Variants in ZAP70 observed in about 807,000 individuals in gnomAD.
ZAP70 encodes the protein zeta chain of T cell receptor associated protein kinase 70, also known as tyrosine-protein kinase ZAP-70.
ZAP70 carries 27 observed loss-of-function variants against 65.8 expected under a neutral mutation model. The observed-to-expected ratio is 0.41, with a 90% CI of 0.30 to 0.57. The LOEUF is 0.57. ZAP70 is among the 20% of genes least tolerant of loss of function. The pLI is 0.28. For missense variants in ZAP70, 696 were observed against 870.5 expected (o/e 0.80, Z 2.52); for synonymous variants, 363 against 360.8 (o/e 1.01, Z -0.07).
rs533490654 is a variant in ZAP70 at position 97,728,790 on chromosome 2, T to C, written c.563+3538T>C. 4.6e-5 allele frequency among the ~76,000 whole-genome samples: 7 copies of C among 152,328 alleles called. No individual in the cohort carries two copies. In the East Asian group the frequency reaches 1.3e-3, roughly 29 times the overall value. On this transcript the variant is annotated intron_variant, in intron 4 of 13. Transcript: ENST00000264972. ...TTTTTTGAGACAGAGTCTTGCTCTG[T>C]CACCCAGGCTGGAGCACAGTGGTGC...
chr2:97,732,565 A>ATGGGTGTCCCCTCCTCCGTGGC, intron 4 of ZAP70: 1 of 456,806 alleles, frequency 2.2e-6, no homozygotes, highest in South Asian at 2.2e-5. Context: ...TCCCCAGTGG[A>ATGGGTGTCCCCTCCTCCGTGGC]TGGGTGTCCC....
intron 4 of ZAP70, among the ~76,000 whole-genome samples, chr2:97,729,908 C>T (rs1480334185): frequency 1.3e-5 from 2 of 152,076 alleles, no homozygotes; most frequent in East Asian, 1.9e-4. Context: ...TGTATTCATA[C>T]CCTGAAATGT....
At chr2:97,735,491 G>T (rs765444123) in intron 10 of ZAP70, 35 bp downstream of exon 10, 2 of 1,590,638 alleles carry the variant, frequency 1.3e-6, no homozygotes, top group South Asian at 2.2e-5. Flanking sequence ...TCGGGTGGGT[G>T]GGGCCGGGGC....
downstream of ZAP70, among the ~76,000 whole-genome samples, chr2:97,743,484 C>T (rs1678179345): frequency 6.6e-6 from 1 of 152,134 alleles, no homozygotes; most frequent in Admixed American, 6.5e-5. Flanking sequence ...TACAGGCACC[C>T]GCCACCATGC....
At chr2:97,720,481 C>G (rs544211197) in intron 2 of ZAP70, among the ~76,000 whole-genome samples, 1 of 151,834 alleles carries the variant, frequency 6.6e-6, no homozygotes, top group Non-Finnish European at 1.5e-5. Context: ...CCGCCTGCCT[C>G]GGCCTCCCAA....
downstream of ZAP70, among the ~76,000 whole-genome samples, chr2:97,743,661 T>A (rs775520158): frequency 1.4e-4 from 21 of 152,230 alleles, no homozygotes; most frequent in Non-Finnish European, 5.9e-5. Context: ...TGGCTGTTAT[T>A]CCCTTCTTTA....
intron 2 of ZAP70, among the ~76,000 whole-genome samples, chr2:97,723,697 G>T (rs991999177): frequency 2.0e-5 from 3 of 152,396 alleles, no homozygotes; most frequent in Admixed American, 2.0e-4. Context: ...CACCGGGCCT[G>T]AAACACAATA....
At chr2:97,733,839 C>T (rs535112223) in intron 8 of ZAP70, 8 of 597,664 alleles carry the variant, frequency 1.3e-5, no homozygotes, top group East Asian at 1.1e-4. Context: ...CCCAGACACA[C>T]GTTTGTTGAG....
chr2:97,741,325 T>TA (rs1355812551), downstream of ZAP70, among the ~76,000 whole-genome samples: 2 of 152,194 alleles, frequency 1.3e-5, no homozygotes, highest in Non-Finnish European at 2.9e-5. Flanking sequence ...CCTCCAGGGT[T>TA]TCCAGCGCCC....
chr2:97,739,240 C>A, intron 13 of ZAP70, 135 bp from the exon 14 acceptor site: 1 of 1,399,352 alleles, frequency 7.1e-7, no homozygotes, highest in Non-Finnish European at 9.7e-7. Flanking sequence ...CCCAATGTCC[C>A]GCCACCCCAA....
chr2:97,721,982 A>T (rs187353589), intron 2 of ZAP70, among the ~76,000 whole-genome samples: 172 of 151,542 alleles, frequency 1.1e-3, no homozygotes, highest in Admixed American at 1.8e-3. Context: ...ACGGGGTTTC[A>T]CTGTGTTGGC....
the ZAP70 span, among the ~76,000 whole-genome samples, chr2:97,750,103 G>A: frequency 6.6e-6 from 1 of 152,352 alleles, no homozygotes; most frequent in Non-Finnish European, 1.5e-5. Context: ...TCTGAGAGGG[G>A]CAGAGTGTGC....
chr2:97,727,443 A>G (rs1677434433), intron 4 of ZAP70, among the ~76,000 whole-genome samples: 1 of 152,172 alleles, frequency 6.6e-6, no homozygotes, highest in African/African-American at 2.4e-5. Flanking sequence ...TGGTCCAGGT[A>G]TTACCCACCT....
chr2:97,733,668 G>A, intron 8 of ZAP70, 73 bp downstream of exon 8: 1 of 1,587,554 alleles, frequency 6.3e-7, no homozygotes, highest in African/African-American at 1.3e-5. Context: ...TCAGGGCTGT[G>A]GGGTTTCACG....
At chr2:97,749,982 T>G in the ZAP70 span, among the ~76,000 whole-genome samples, 1 of 152,248 alleles carries the variant, frequency 6.6e-6, no homozygotes, top group Non-Finnish European at 1.5e-5. Flanking sequence ...GGAAATGTCT[T>G]TGGAATACCA....
At chr2:97,733,624 TG>T in intron 8 of ZAP70, 29 bp downstream of exon 8, 1 of 1,612,032 alleles carries the variant, frequency 6.2e-7, no homozygotes, top group Non-Finnish European at 8.5e-7. Flanking sequence ...GGACGCGGGT[TG>T]GGGCTCATGC....
Position 97,737,393 on chromosome 2 carries a change from C to G in ZAP70, c.1290-80C>G. ...ACATGGTCACCTGGCTCATGCCCAGCTGGGTCAGAGAAGCATGCTTTGCCC... is the reference window on the plus strand; with the variant it reads ...ACATGGTCACCTGGCTCATGCCCAGGTGGGTCAGAGAAGCATGCTTTGCCC... On this transcript the variant is annotated intron_variant, in intron 10 of 13. Coordinates refer to ENST00000264972, the MANE Select transcript of ZAP70 (RefSeq NM_001079.4). This position sits in a 1 kb window ranked among gnomAD's most constrained non-coding sequence, Gnocchi z 5.0. 6.7e-7 allele frequency: 1 copy of G among 1,494,424 alleles called. No individual in the cohort carries two copies. Among genetic ancestry groups the G allele is most frequent in the Non-Finnish European group, 9.3e-7 (1 of 1,074,580 alleles). The allele number at this position is 1,494,424 out of a possible 1,614,324, so 92.6% of individuals were successfully genotyped here.
the ZAP70 span, among the ~76,000 whole-genome samples, chr2:97,745,968 C>T: frequency 5.3e-5 from 8 of 152,124 alleles, no homozygotes; most frequent in African/African-American, 1.9e-4. Context: ...GAACATTATC[C>T]AGCTGATGGA....
the ZAP70 span, among the ~76,000 whole-genome samples, chr2:97,755,922 G>A: frequency 6.6e-6 from 1 of 152,224 alleles, no homozygotes; most frequent in Non-Finnish European, 1.5e-5. Flanking sequence ...ATGTGAATCT[G>A]CGGTCAGCCT....
Sources: allele counts gnomAD v4.1 joint callset (sites outside exome capture counted in the v4.1 genomes callset), GRCh38; gene constraint gnomAD v4.1.1; non-coding constraint Gnocchi (gnomAD v3.1); transcripts MANE v1.5; gene names NCBI Gene and HGNC (gene_info 2026-07-23, HGNC 2026-07-21).